The following CYB5D1 variants were observed in gnomAD, a reference collection of about 807,000 sequenced individuals.
The protein encoded by CYB5D1 is cytochrome b5 domain containing 1.
Under a neutral mutation model 24.3 loss-of-function variants are expected in CYB5D1, and 30 were observed. The observed-to-expected ratio is 1.23, with a 90% CI of 0.92 to 1.67. The LOEUF (loss-of-function observed/expected upper bound fraction) is 1.67, where lower values mean the gene tolerates loss of function less well. Among genes scored for constraint, CYB5D1 ranks in the 40% most tolerant of loss-of-function variants. CYB5D1 has a pLI of 0.00. For missense variants in CYB5D1, 265 were observed against 296.7 expected (o/e 0.89, Z 0.79); for synonymous variants, 128 against 123.2 (o/e 1.04, Z -0.26).
rs1203495698 is a variant in CYB5D1, at chr17:7,858,109, A to C, written c.-26A>C. 1.2e-6 allele frequency: 2 copies of C among 1,612,332 alleles called. No homozygotes were observed. Among genetic ancestry groups the C allele is most frequent in the Non-Finnish European group, 1.7e-6 (2 of 1,179,708 alleles). On this transcript the variant is annotated 5_prime_UTR_variant, in exon 1 of 4. Transcript: ENST00000332439. ...TGAGGAGCAAAGGAGTAACCAAGAG[A>C]TCCAGTGACCGACAGAGCAAGAGCC... is the stretch of plus-strand genomic sequence containing the variant.
At position 7,860,854 on chromosome 17, in the gene CYB5D1, G is replaced by A. The variant is rs2078877906; in HGVS notation, c.*1242G>A. 6.6e-6 allele frequency: 1 copy of A among 152,260 alleles called. No homozygotes were observed. The highest frequency in any genetic ancestry group is 2.4e-5 in the African/African-American group (1 of 41,540). 9.4% of individuals were successfully genotyped at this position (152,260 alleles called of 1,614,324 possible). A position where few individuals can be genotyped will look rare whatever the true frequency, so the allele number is the denominator to read the frequency against. ...CCAGATTTCTCTCCTGACCTTTTGGGGCAAAGAGGTGGGTATTTACTAACT... is the reference window on the plus strand; with the variant it reads ...CCAGATTTCTCTCCTGACCTTTTGGAGCAAAGAGGTGGGTATTTACTAACT... On this transcript the variant is annotated 3_prime_UTR_variant, in exon 4 of 4. Transcript: ENST00000332439.
Position 7,862,050 on chromosome 17 carries a change from T to A in CYB5D1, c.*2438T>A, listed in dbSNP as rs777864242. On this transcript the variant is annotated 3_prime_UTR_variant, in exon 4 of 4. Transcript: ENST00000332439. ...CTAGCTGATCCTAAATGTTCCTTCCTCAGGGAGGTCTTTTCTGATTTCTTG... is the reference window on the plus strand; with the variant it reads ...CTAGCTGATCCTAAATGTTCCTTCCACAGGGAGGTCTTTTCTGATTTCTTG... 6 of 152,182 alleles carry A rather than the reference T, an allele frequency of 3.9e-5. No individual in the cohort carries two copies. The highest frequency in any genetic ancestry group is 1.3e-4 in the Admixed American group (2 of 15,278). 9.4% of individuals were successfully genotyped at this position (152,182 alleles called of 1,614,324 possible).
In CYB5D1 at chr17:7,859,873, TAGTC is replaced by T. The variant is rs1427232122; in HGVS notation, c.*264_*267del. The T allele has an allele frequency of 1.5e-5, 7 of 480,410 alleles. No homozygotes were observed. The highest frequency in any genetic ancestry group is 4.6e-5 in the South Asian group (2 of 43,764). The allele number at this position is 480,410 out of a possible 1,614,324, so 29.8% of individuals were successfully genotyped here. A position where few individuals can be genotyped will look rare whatever the true frequency, so the allele number is the denominator to read the frequency against. ...TGGTTTAGGGAGATGTAGAAGAGGA[TAGTC>T]AGAGTTCAGGCAGAACTGTTTGATA... On this transcript the variant is annotated 3_prime_UTR_variant, in exon 4 of 4. Coordinates refer to ENST00000332439, the MANE Select transcript of CYB5D1 (RefSeq NM_144607.6).
Position 7,858,480 on chromosome 17 carries a change from G to C in CYB5D1, c.237+1G>C, listed in dbSNP as rs201250527. The C allele has an allele frequency of 4.0e-5, 64 of 1,614,100 alleles. No individual in the cohort carries two copies. The highest frequency in any genetic ancestry group is 1.3e-5 in the African/African-American group (1 of 74,950). On this transcript the variant is annotated splice_donor_variant, in intron 2 of 3. Coordinates refer to ENST00000332439, the MANE Select transcript of CYB5D1 (RefSeq NM_144607.6). LOFTEE classifies it high-confidence loss of function. ...CTGGTTTGATCCAAAGACCAGAGACGTGAGTTATGCTGGAACCTGGGATTG... is the reference window on the plus strand; with the variant it reads ...CTGGTTTGATCCAAAGACCAGAGACCTGAGTTATGCTGGAACCTGGGATTG...
In CYB5D1 at chr17:7,858,635, C is replaced by G. The variant is rs2078855198; in HGVS notation, c.267C>G (p.Gly89=). The G allele has an allele frequency of 6.2e-7, 1 of 1,605,114 alleles. No homozygotes were observed. Among genetic ancestry groups the G allele is most frequent in the Non-Finnish European group, 8.5e-7 (1 of 1,174,052 alleles). The change falls in exon 3 of 4, where the codon GGC becomes GGG. Residue 89 remains glycine, a synonymous_variant. Coordinates refer to ENST00000332439, the MANE Select transcript of CYB5D1 (RefSeq NM_144607.6). ...GCAAGCACATAGATCCGCTGACCGGCTGCCTGAGGTACTGCACCCCGCGGG... is the reference window on the plus strand; with the variant it reads ...GCAAGCACATAGATCCGCTGACCGGGTGCCTGAGGTACTGCACCCCGCGGG... ...DIRKHIDPLT[G]CLRYCTPRGR...
At position 7,858,215 on chromosome 17, in the gene CYB5D1, A is replaced by G; in HGVS notation, c.81A>G (p.Gln27=). The stretch of plus-strand genomic sequence containing the variant: ...ATTTCACGCCGGCGGAGGTGGCCCA[A>G]CATAACAGGCCCGAAGACCTCTGGG... The part of the protein sequence containing the change: ...RRYFTPAEVA[Q]HNRPEDLWVS... Residue 27 remains glutamine, a synonymous_variant, in exon 1 of 4, where the codon CAA becomes CAG. Transcript: ENST00000332439. The G allele has an allele frequency of 1.2e-6, 2 of 1,613,960 alleles. No homozygotes were observed. The highest frequency in any genetic ancestry group is 1.7e-6 in the Non-Finnish European group (2 of 1,180,018).
chr17:7,859,381 G>T lies in CYB5D1; in HGVS notation c.457-1G>T, dbSNP rs763683051. The T allele has an allele frequency of 6.2e-7, 1 of 1,613,644 alleles. No individual in the cohort carries two copies. Among genetic ancestry groups the T allele is most frequent in the Non-Finnish European group, 8.5e-7 (1 of 1,179,712 alleles). On this transcript the variant is annotated splice_acceptor_variant, in intron 3 of 3. Transcript: ENST00000332439. LOFTEE classifies it high-confidence loss of function. ...GGGTGGGGTGCTTCTGTGTTCTCCAGGTGGGGGTTCTGGAGTCCATATGGG... is the reference window on the plus strand; with the variant it reads ...GGGTGGGGTGCTTCTGTGTTCTCCATGTGGGGGTTCTGGAGTCCATATGGG...
chr17:7,858,335 G>A, intron 1 of CYB5D1, 41 bp downstream of exon 1: 1 of 1,614,024 alleles, frequency 6.2e-7, no homozygotes, highest in Non-Finnish European at 8.5e-7. Flanking sequence ...GTGTGTGTGT[G>A]TGCACGCGCG....
In CYB5D1 at chr17:7,858,205, A is replaced by T. The variant is rs769361696; in HGVS notation, c.71A>T (p.Glu24Val). The T allele has an allele frequency of 1.2e-6, 2 of 1,613,912 alleles. No individual in the cohort carries two copies. Among genetic ancestry groups the T allele is most frequent in the Non-Finnish European group, 1.7e-6 (2 of 1,179,994 alleles). The change falls in exon 1 of 4, where the codon GAG (glutamate) becomes GTG (valine). Residue 24 changes from glutamate (E) to valine (V), a missense_variant. Physicochemically the swap from Glu to Val is moderately radical, Grantham distance 121 (BLOSUM62 -2). Transcript: ENST00000332439. ...CAGCGTCGCTATTTCACGCCGGCGGAGGTGGCCCAACATAACAGGCCCGAA... is the reference window on the plus strand; with the variant it reads ...CAGCGTCGCTATTTCACGCCGGCGGTGGTGGCCCAACATAACAGGCCCGAA... ...YFQRRYFTPA[E>V]VAQHNRPEDL... is the part of the protein sequence containing the mutation.
At chr17:7,858,323 G>A in intron 1 of CYB5D1, 29 bp downstream of exon 1, 1 of 1,613,912 alleles carries the variant, frequency 6.2e-7, no homozygotes. Flanking sequence ...GCCGGGGCCG[G>A]AGTGTGTGTG....
chr17:7,859,199 C>T, intron 3 of CYB5D1, 183 bp from the exon 4 acceptor site: 1 of 609,166 alleles, frequency 1.6e-6, no homozygotes, highest in East Asian at 2.7e-5. Context: ...TTAGAAGTGG[C>T]TGCCATTAAG....
rs1444670513 is a variant in CYB5D1, at chr17:7,859,844, A to G, written c.*232A>G. On this transcript the variant is annotated 3_prime_UTR_variant, in exon 4 of 4. Transcript: ENST00000332439. ...TGGGAATGATACAAGAAGATCAAGT[A>G]CCTTGGTTTAGGGAGATGTAGAAGA... The G allele has an allele frequency of 9.4e-6, 5 of 531,724 alleles. No homozygotes were observed. The highest frequency in any genetic ancestry group is 1.7e-5 in the Non-Finnish European group (5 of 295,838). 32.9% of individuals were successfully genotyped at this position (531,724 alleles called of 1,614,324 possible).
In CYB5D1 at chr17:7,858,144, C is replaced by T; in HGVS notation, c.10C>T (p.Arg4Trp). 4.3e-6 allele frequency: 7 copies of T among 1,613,512 alleles called. No homozygotes were observed. Among genetic ancestry groups the T allele is most frequent in the Non-Finnish European group, 5.9e-6 (7 of 1,179,920 alleles). ...CGACAGAGCAAGAGCCATGCCGCGC[C>T]GGGGCCTGGTGGCTGGGCCAGACTT... MPR[R>W]GLVAGPDLEY... Residue 4 changes from arginine (R) to tryptophan (W), a missense_variant, in exon 1 of 4, where the codon CGG becomes TGG. Arg to Trp is a moderately radical substitution (Grantham distance 101, BLOSUM62 -3). Coordinates refer to ENST00000332439, the MANE Select transcript of CYB5D1 (RefSeq NM_144607.6).
At chr17:7,858,574 C>G in intron 2 of CYB5D1, 32 bp from the exon 3 acceptor site, 2 of 1,609,700 alleles carry the variant, frequency 1.2e-6, no homozygotes, top group Non-Finnish European at 1.7e-6. Context: ...AATGGCTGCT[C>G]TGACACCCTC....
At position 7,858,631 on chromosome 17, in the gene CYB5D1, C is replaced by A; in HGVS notation, c.263C>A (p.Thr88Asn). ...RDIRKHIDPL[T>N]GCLRYCTPRG... The stretch of plus-strand genomic sequence containing the variant: ...ATCCGCAAGCACATAGATCCGCTGA[C>A]CGGCTGCCTGAGGTACTGCACCCCG... Residue 88 changes from threonine to asparagine, a missense_variant, in exon 3 of 4, where the codon ACC (threonine) becomes AAC (asparagine). Transcript: ENST00000332439. 1 of 1,605,090 alleles carries A rather than the reference C, an allele frequency of 6.2e-7. No homozygotes were observed. The highest frequency in any genetic ancestry group is 1.1e-5 in the South Asian group (1 of 90,200).
chr17:7,859,898 T>C lies in CYB5D1; in HGVS notation c.*286T>C. The C allele has an allele frequency of 2.4e-6, 1 of 424,782 alleles. No homozygotes were observed. The highest frequency in any genetic ancestry group is 4.5e-5 in the East Asian group (1 of 22,030). The allele number at this position is 424,782 out of a possible 1,614,324, so 26.3% of individuals were successfully genotyped here. On this transcript the variant is annotated 3_prime_UTR_variant, in exon 4 of 4. Coordinates refer to ENST00000332439, the MANE Select transcript of CYB5D1 (RefSeq NM_144607.6). Reference sequence around the variant, plus strand: ...TAGTCAGAGTTCAGGCAGAACTGTTTGATAGTTAAGAGAGAGTAGTTCTAC... The same window carrying C: ...TAGTCAGAGTTCAGGCAGAACTGTTCGATAGTTAAGAGAGAGTAGTTCTAC...
rs2078869190 is a variant in CYB5D1 at position 7,859,744 on chromosome 17, G to A, written c.*132G>A. On this transcript the variant is annotated 3_prime_UTR_variant, in exon 4 of 4. Coordinates refer to ENST00000332439, the MANE Select transcript of CYB5D1 (RefSeq NM_144607.6). ...CACTCCTCTCCAGGAGCTAGCCTGT[G>A]CCCTTCTGAAGTGTAAAGGCCCTAT... The A allele has an allele frequency of 7.9e-6, 6 of 758,940 alleles. No homozygotes were observed. In the South Asian group the frequency reaches 1.0e-4, roughly 13 times the overall value. The allele number at this position is 758,940 out of a possible 1,614,324, so 47.0% of individuals were successfully genotyped here. A position where few individuals can be genotyped will look rare whatever the true frequency, so the allele number is the denominator to read the frequency against.
Position 7,858,644 on chromosome 17 carries a change from G to A in CYB5D1, c.276G>A (p.Arg92=), listed in dbSNP as rs775753610. 3.4e-5 allele frequency: 54 copies of A among 1,608,204 alleles called. No homozygotes were observed. The South Asian group carries it at 5.6e-4, about 17-fold the overall frequency. The part of the protein sequence containing the change: ...KHIDPLTGCL[R]YCTPRGRFVH... The stretch of plus-strand genomic sequence containing the variant: ...TAGATCCGCTGACCGGCTGCCTGAG[G>A]TACTGCACCCCGCGGGGCCGCTTTG... The change falls in exon 3 of 4, where the codon AGG becomes AGA. Residue 92 remains arginine (R), a synonymous_variant. Coordinates refer to ENST00000332439, the MANE Select transcript of CYB5D1 (RefSeq NM_144607.6).
At chr17:7,859,276 G>C (rs1430974497) in intron 3 of CYB5D1, 106 bp from the exon 4 acceptor site, 3 of 846,718 alleles carry the variant, frequency 3.5e-6, no homozygotes, top group Non-Finnish European at 5.6e-6. Context: ...CGGGGCCGTA[G>C]AGTACCTGAA....
Sources: gnomAD v4.1 joint callset for allele counts on GRCh38, gnomAD v4.1.1 for gene constraint, MANE v1.5 for transcripts, NCBI Gene and HGNC (gene_info 2026-07-23, HGNC 2026-07-21) for gene names.